The following BID variants were observed in gnomAD, a reference collection of about 807,000 sequenced individuals.
BID encodes BH3 interacting domain death agonist, also known as BH3-interacting domain death agonist.
Under a neutral mutation model 17.4 loss-of-function variants are expected in BID, and 19 were observed. That is an observed-to-expected ratio of 1.09 (90% CI 0.76 to 1.60). BID has a LOEUF of 1.60. Among genes scored for constraint, BID ranks in the 40% most tolerant of loss-of-function variants. BID has a pLI of 0.00. For missense variants in BID, 226 were observed against 256.0 expected (o/e 0.88, Z 0.80); for synonymous variants, 108 against 102.8 (o/e 1.05, Z -0.31).
chr22:17,735,977 C>T (rs2061416623), intron 5 of BID, among the ~76,000 whole-genome samples: 1 of 152,286 alleles, frequency 6.6e-6, no homozygotes, highest in East Asian at 1.9e-4. Context: ...AGGCTTACCT[C>T]CTTCCAACAA....
At chr22:17,759,648 A>C (rs1569049861) in intron 1 of BID, among the ~76,000 whole-genome samples, 2 of 152,142 alleles carry the variant, frequency 1.3e-5, no homozygotes, top group African/African-American at 2.4e-5. Context: ...TTGAAAGCCC[A>C]GGAGCTCAAG....
At chr22:17,737,977 G>A (rs1569036868) in intron 5 of BID, 40 bp downstream of exon 5, 1 of 1,604,422 alleles carries the variant, frequency 6.2e-7, no homozygotes, top group Non-Finnish European at 8.5e-7. Flanking sequence ...AAAGGGCATG[G>A]GCGGCAGGCA....
chr22:17,750,024 G>C, intron 2 of BID, 81 bp downstream of exon 2: 1 of 1,375,218 alleles, frequency 7.3e-7, no homozygotes, highest in Non-Finnish European at 1.0e-6. Flanking sequence ...AGCCCTCAGG[G>C]ATGCGTGGTG....
intron 1 of BID, among the ~76,000 whole-genome samples, chr22:17,755,544 T>G (rs2145900784): frequency 6.6e-6 from 1 of 152,270 alleles, no homozygotes; most frequent in Middle Eastern, 3.4e-3. Context: ...GGCTCATGCC[T>G]GTAATCCCAG....
Position 17,773,897 on chromosome 22 carries a change from T to TCA in BID, c.-59+483_-59+484insTG, listed in dbSNP as rs2061739852. 2 of 602,278 alleles carry TCA rather than the reference T, an allele frequency of 3.3e-6. No homozygotes were observed. Among genetic ancestry groups the TCA allele is most frequent in the Non-Finnish European group, 5.9e-6 (2 of 338,656 alleles). The allele number at this position is 602,278 out of a possible 1,614,324, so 37.3% of individuals were successfully genotyped here. ...CGCTCTGACCGCGCTTTGTCAGCCC[T>TCA]GAGCTCCGCTCGGGAGGAGCCGGCA... On this transcript the variant is annotated intron_variant, in intron 1 of 5. Coordinates refer to ENST00000622694, the MANE Select transcript of BID (RefSeq NM_001196.4). This position sits in a 1 kb window ranked among gnomAD's most constrained non-coding sequence, Gnocchi z 4.4.
At chr22:17,756,395 TTTC>T (rs1206063966) in intron 1 of BID, among the ~76,000 whole-genome samples, 3 of 132,242 alleles carry the variant, frequency 2.3e-5, no homozygotes, top group Non-Finnish European at 3.3e-5. Flanking sequence ...GTTCTCTTTC[TTTC>T]TTTTCTTTTT....
At chr22:17,757,724 A>G (rs937774552) in intron 1 of BID, among the ~76,000 whole-genome samples, 13 of 151,316 alleles carry the variant, frequency 8.6e-5, no homozygotes, top group Non-Finnish European at 1.6e-4. Flanking sequence ...AAAAAAAAAA[A>G]GAAAAAAAGA....
At chr22:17,771,320 T>A (rs2061718523) in intron 1 of BID, among the ~76,000 whole-genome samples, 1 of 152,176 alleles carries the variant, frequency 6.6e-6, no homozygotes. Context: ...AGGACGGTCT[T>A]GATCTCCTGA....
chr22:17,759,092 G>A (rs1207282587), intron 1 of BID, among the ~76,000 whole-genome samples: 3 of 151,844 alleles, frequency 2.0e-5, no homozygotes, highest in Non-Finnish European at 2.9e-5. Flanking sequence ...TTAGCTGGGC[G>A]TGGTGGCGCA....
At chr22:17,761,539 C>G (rs1176203860) in intron 1 of BID, among the ~76,000 whole-genome samples, 3 of 150,298 alleles carry the variant, frequency 2.0e-5, no homozygotes, top group African/African-American at 7.4e-5. Context: ...TCACGCCATT[C>G]TCCTGCCTCA....
chr22:17,761,307 GT>G (rs1201652823), intron 1 of BID, among the ~76,000 whole-genome samples: 3 of 151,718 alleles, frequency 2.0e-5, no homozygotes, highest in Admixed American at 1.3e-4. Flanking sequence ...TTTGTTCTTT[GT>G]TTTTTCCCCT....
Position 17,739,505 on chromosome 22 carries a change from G to A in BID, c.224-17C>T, listed in dbSNP as rs2145874317. The A allele has an allele frequency of 2.5e-6, 4 of 1,606,296 alleles. No individual in the cohort carries two copies. Among genetic ancestry groups the A allele is most frequent in the East Asian group, 2.2e-5 (1 of 44,822 alleles). On this transcript the variant is annotated splice_polypyrimidine_tract_variant and intron_variant, in intron 3 of 5. Transcript: ENST00000622694. Reference sequence around the variant, plus strand: ...TTTCAGAATCTGTGTTCAGGCAGGGGCGGCAGAGACAGAGCAGACTCAGAA... The same window carrying A: ...TTTCAGAATCTGTGTTCAGGCAGGGACGGCAGAGACAGAGCAGACTCAGAA...
chr22:17,751,930 A>G (rs1332401648), intron 1 of BID, among the ~76,000 whole-genome samples: 1 of 152,208 alleles, frequency 6.6e-6, no homozygotes, highest in Non-Finnish European at 1.5e-5. Context: ...CCCAGGAAAC[A>G]GGCCACAGAG....
rs747819939 is a variant in BID, at chr22:17,773,695, T to A, written c.-59+686A>T. The A allele has an allele frequency of 1.2e-5, 19 of 1,608,528 alleles. No homozygotes were observed. Among genetic ancestry groups the A allele is most frequent in the Non-Finnish European group, 1.5e-5 (18 of 1,179,764 alleles). ...ACCCCAGCACCGCTGCACATTCGTA[T>A]TTGTTGAATGAATGAATGAACCCTT... is the stretch of plus-strand genomic sequence containing the variant. On this transcript the variant is annotated intron_variant, in intron 1 of 5. Transcript: ENST00000622694. The surrounding 1 kb of genome is among the most constrained non-coding windows in gnomAD (Gnocchi z 4.4).
At chr22:17,767,777 C>T (rs1352069784) in intron 1 of BID, among the ~76,000 whole-genome samples, 1 of 152,284 alleles carries the variant, frequency 6.6e-6, no homozygotes, top group African/African-American at 2.4e-5. Context: ...GAAACAGCGT[C>T]CGCGAAGTGA....
At chr22:17,740,433 T>A (rs1028821917) in intron 3 of BID, 73 of 18,882 alleles carry the variant, frequency 3.9e-3, no homozygotes, top group Admixed American at 0.024. Flanking sequence ...TACAAGAAAC[T>A]TTTTTTTTTT....
At position 17,739,740 on chromosome 22, in the gene BID, C is replaced by T. The variant is rs928679358; in HGVS notation, c.224-252G>A. On this transcript the variant is annotated intron_variant, in intron 3 of 5. Coordinates refer to ENST00000622694, the MANE Select transcript of BID (RefSeq NM_001196.4). The stretch of plus-strand genomic sequence containing the variant: ...CTCCCGCACACAGGCACCACGTCCC[C>T]ACAGGCAGGGCCGGTGAAGCTGGGG... 3 of 587,118 alleles carry T rather than the reference C, an allele frequency of 5.1e-6. No homozygotes were observed. In the African/African-American group the frequency reaches 5.6e-5, roughly 11 times the overall value. The allele number at this position is 587,118 out of a possible 1,614,324, so 36.4% of individuals were successfully genotyped here.
intron 1 of BID, among the ~76,000 whole-genome samples, chr22:17,762,100 C>T (rs938623927): frequency 6.6e-6 from 1 of 152,148 alleles, no homozygotes; most frequent in Non-Finnish European, 1.5e-5. Flanking sequence ...GATACTGCAA[C>T]AACCGAGAAT....
At chr22:17,756,432 C>CTTTCTTCT (rs564601583) in intron 1 of BID, among the ~76,000 whole-genome samples, 2 of 69,232 alleles carry the variant, frequency 2.9e-5, no homozygotes, top group Non-Finnish European at 6.2e-5. Context: ...TTCTTTCTTT[C>CTTTCTTCT]TTCTTTCTTT....
Sources: allele counts gnomAD v4.1 joint callset (sites outside exome capture counted in the v4.1 genomes callset), GRCh38; gene constraint gnomAD v4.1.1; non-coding constraint Gnocchi (gnomAD v3.1); transcripts MANE v1.5; gene names NCBI Gene and HGNC (gene_info 2026-07-23, HGNC 2026-07-21).